Variants in MYH6 observed in about 807,000 individuals in gnomAD.
MYH6 encodes the protein myosin heavy chain 6.
Under a neutral mutation model 223.2 loss-of-function variants are expected in MYH6, and 126 were observed. That is an observed-to-expected ratio of 0.56 (90% confidence interval 0.49 to 0.65). MYH6 has a LOEUF of 0.65. Among genes scored for constraint, MYH6 ranks in the 30% least tolerant of loss-of-function variants. The probability of loss-of-function intolerance (pLI) is 0.00; values close to 1 mark genes in which losing one functional copy is unlikely to be tolerated. For synonymous variants in MYH6, 978 were observed against 1,010.2 expected, an observed-to-expected ratio of 0.97 and a Z score of 0.61; for missense variants, 2,040 against 2,536.4, an observed-to-expected ratio of 0.80 and a Z score of 4.20.
Position 23,394,114 on chromosome 14 carries a change from A to G in MYH6, c.2639T>C (p.Val880Ala). ...ARRKELEEKM[V>A]SLLQEKNDLQ... ...GTCATTCTTCTCCTGCAGCAGGGAC[A>G]CCATCTTCTCCTCCAGCTCCTTGCG... The change falls in exon 21 of 39, where the codon GTG becomes GCG. Residue 880 changes from valine (V) to alanine (A), a missense_variant. Val to Ala is a moderately conservative substitution (Grantham distance 64). Coordinates refer to ENST00000405093, the MANE Select transcript of MYH6 (RefSeq NM_002471.4). 1 of 1,614,110 alleles carries G rather than the reference A, an allele frequency of 6.2e-7. No individual in the cohort carries two copies. Among genetic ancestry groups the G allele is most frequent in the African/African-American group, 1.3e-5 (1 of 75,016 alleles).
In MYH6 at chr14:23,397,218, G is replaced by A. The variant is rs1351249262; in HGVS notation, c.2002C>T (p.His668Tyr). 8 of 1,614,230 alleles carry A rather than the reference G, an allele frequency of 5.0e-6. No homozygotes were observed. Among genetic ancestry groups the A allele is most frequent in the Non-Finnish European group, 6.8e-6 (8 of 1,180,046 alleles). Reference protein sequence around the residue: ...NKLMTNLRTTHPHFVRCIIPN... With the variant: ...NKLMTNLRTTYPHFVRCIIPN... Reference sequence around the variant, plus strand: ...ATGATGCAACGCACAAAGTGAGGATGGGTGGTCCTCAGGTTGGTCATTAGC... The same window carrying A: ...ATGATGCAACGCACAAAGTGAGGATAGGTGGTCCTCAGGTTGGTCATTAGC... Residue 668 changes from histidine (H) to tyrosine (Y), a missense_variant, in exon 17 of 39, where the codon CAT (histidine) becomes TAT (tyrosine). His to Tyr is a moderately conservative substitution (Grantham distance 83). Coordinates refer to ENST00000405093, the MANE Select transcript of MYH6 (RefSeq NM_002471.4).
intron 10 of MYH6, 54 bp downstream of exon 10, chr14:23,403,294 C>G (rs960516922): frequency 6.9e-7 from 1 of 1,446,056 alleles, no homozygotes; most frequent in Non-Finnish European, 9.7e-7. Context: ...ATGCAGGAGT[C>G]GTTGGGGTGT....
chr14:23,406,522 T>C (rs1891793802), intron 3 of MYH6, among the ~76,000 whole-genome samples: 3 of 152,166 alleles, frequency 2.0e-5, no homozygotes, highest in Non-Finnish European at 4.4e-5. Context: ...GGGGTGATTC[T>C]CTTGGCTGGT....
At chr14:23,404,263 A>G in intron 8 of MYH6, 33 bp downstream of exon 8, 2 of 1,609,938 alleles carry the variant, frequency 1.2e-6, no homozygotes, top group Non-Finnish European at 1.7e-6. Flanking sequence ...TCAAGGCTGG[A>G]TGAGGCCACT....
rs1890876996 is a variant in MYH6, at chr14:23,382,034, G to A, written c.*6C>T. On this transcript the variant is annotated 3_prime_UTR_variant, in exon 39 of 39. Coordinates refer to ENST00000405093, the MANE Select transcript of MYH6 (RefSeq NM_002471.4). ...GGTTGGCAAGAGTGAGGTTCCCGAG[G>A]CAGTGTCACTCCTCATCGTGCATTT... The A allele has an allele frequency of 1.2e-6, 2 of 1,614,062 alleles. No homozygotes were observed. The highest frequency in any genetic ancestry group is 2.7e-5 in the African/African-American group (2 of 74,934).
In MYH6 at chr14:23,395,716, G is replaced by A. The variant is rs56397059; in HGVS notation, c.2429+568C>T. Among the ~76,000 whole-genome samples the A allele has an allele frequency of 9.9e-3, 1,507 of 152,226 alleles. 5 individuals carry two copies. The highest frequency in any genetic ancestry group is 0.027 in the Middle Eastern group (8 of 294). On this transcript the variant is annotated intron_variant, in intron 20 of 38. Transcript: ENST00000405093. ...TAATTTTTTGTATTTTTTTAGTAGA[G>A]ATGGGGTTTCACCATGTTAGCCAGG...
chr14:23,388,869 C>T lies in MYH6; in HGVS notation c.4165G>A (p.Glu1389Lys), dbSNP rs397516768. 5.0e-6 allele frequency: 8 copies of T among 1,613,708 alleles called. No homozygotes were observed. Among genetic ancestry groups the T allele is most frequent in the Middle Eastern group, 1.7e-4 (1 of 5,740 alleles). Residue 1389 changes from glutamate (E) to lysine (K), a missense_variant, in exon 29 of 39, where the codon GAA becomes AAA. Physicochemically the swap from Glu to Lys is moderately conservative, Grantham distance 56 (BLOSUM62 1). Coordinates refer to ENST00000405093, the MANE Select transcript of MYH6 (RefSeq NM_002471.4). ...GTATCTGGAGCTCACTTGGCCTCTT[C>T]GAGCTCCTCAGTCCGCTGAATGGCG... The part of the protein sequence containing the change: ...TDAIQRTEEL[E>K]EAKKKLAQRL...
chr14:23,386,279 G>A (rs1891018070), intron 33 of MYH6, 36 bp downstream of exon 33: 1 of 1,614,002 alleles, frequency 6.2e-7, no homozygotes, highest in Non-Finnish European at 8.5e-7. Context: ...CCACATGGAG[G>A]CCAGTCCCCT....
rs368621328 is a variant in MYH6 at position 23,384,054 on chromosome 14, C to T, written c.5565+388G>A. Among the ~76,000 whole-genome samples, 21 of 152,198 alleles carry T rather than the reference C, an allele frequency of 1.4e-4. No individual in the cohort carries two copies. The East Asian group carries it at 3.3e-3, about 24-fold the overall frequency. ...ATTCTAGGGTCCTCTTTCTCTGTGG[C>T]CTTCTCTTTGTGTGCCAGAAGTTCT... On this transcript the variant is annotated intron_variant, in intron 36 of 38. Transcript: ENST00000405093.
intron 34 of MYH6, among the ~76,000 whole-genome samples, chr14:23,385,678 A>T (rs1209731772): frequency 2.0e-5 from 3 of 152,090 alleles, no homozygotes; most frequent in South Asian, 2.1e-4. Context: ...AAATAACAGG[A>T]TACATTCCAC....
At chr14:23,404,913 A>G (rs1466190665) in intron 6 of MYH6, 91 bp from the exon 7 acceptor site, 9 of 1,491,470 alleles carry the variant, frequency 6.0e-6, no homozygotes, top group East Asian at 2.3e-5. Context: ...CAGCCTGGCC[A>G]TCAGAGCCCA....
Position 23,404,743 on chromosome 14 carries a change from G to A in MYH6, c.610C>T (p.Arg204Cys), listed in dbSNP as rs756369181. 8.7e-6 allele frequency: 14 copies of A among 1,613,958 alleles called. No individual in the cohort carries two copies. The highest frequency in any genetic ancestry group is 6.7e-5 in the Admixed American group (4 of 60,002). ...GCATTGGCATTGTCCTTCTTGCCAC[G>A]GTCACCTATGGCTGCAATGCTGGCA... ...YFASIAAIGD[R>C]GKKDNANANK... The change falls in exon 7 of 39, where the codon CGT (arginine) becomes TGT (cysteine). Residue 204 changes from arginine to cysteine, a missense_variant. By Grantham distance (180) the Arg-to-Cys change is radical. Coordinates refer to ENST00000405093, the MANE Select transcript of MYH6 (RefSeq NM_002471.4).
At chr14:23,392,748 T>A (rs1169062097) in intron 24 of MYH6, 96 bp from the exon 25 acceptor site, 4 of 1,435,774 alleles carry the variant, frequency 2.8e-6, no homozygotes, top group Non-Finnish European at 3.9e-6. Context: ...AATCGGCACC[T>A]CCCCCTCCCC....
Position 23,383,339 on chromosome 14 carries a change from G to GGGGGCCCCCCCCCCC in MYH6, c.5566-20_5566-19insGGGGGGGGGGGCCCC. 1.8e-5 allele frequency: 2 copies of GGGGGCCCCCCCCCCC among 108,184 alleles called. No homozygotes were observed. Among genetic ancestry groups the GGGGGCCCCCCCCCCC allele is most frequent in the East Asian group, 2.3e-4 (1 of 4,408 alleles). The allele number at this position is 108,184 out of a possible 1,614,324, so 6.7% of individuals were successfully genotyped here. ...CCTCTGTCTGGGGGTGGGAGGGTGG[G>GGGGGCCCCCCCCCCC]AGAAGCTGGTTTGGAGGGGGAGCAA... On this transcript the variant is annotated intron_variant, in intron 36 of 38. Transcript: ENST00000405093.
chr14:23,382,174 G>T, intron 38 of MYH6, 111 bp from the exon 39 acceptor site: 1 of 1,212,102 alleles, frequency 8.3e-7, no homozygotes, highest in South Asian at 1.2e-5. Flanking sequence ...GGAGGGAGAG[G>T]CAGGGCCCCA....
intron 36 of MYH6, 42 bp downstream of exon 36, chr14:23,384,400 G>T: frequency 6.2e-7 from 1 of 1,604,678 alleles, no homozygotes; most frequent in Non-Finnish European, 8.5e-7. Context: ...GGCCAGAGAA[G>T]AAACTTCCAC....
intron 29 of MYH6, 48 bp from the exon 30 acceptor site, chr14:23,388,386 A>C: frequency 6.2e-7 from 1 of 1,608,228 alleles, no homozygotes; most frequent in Non-Finnish European, 8.5e-7. Flanking sequence ...ACTGGGCAAC[A>C]CTGGAGCCTT....
At position 23,404,809 on chromosome 14, in the gene MYH6, C is replaced by T. The variant is rs763305936; in HGVS notation, c.544G>A (p.Ala182Thr). 2 of 1,614,130 alleles carry T rather than the reference C, an allele frequency of 1.2e-6. No individual in the cohort carries two copies. Among genetic ancestry groups the T allele is most frequent in the Non-Finnish European group, 1.7e-6 (2 of 1,179,988 alleles). Residue 182 changes from alanine to threonine, a missense_variant, in exon 7 of 39, where the codon GCG (alanine) becomes ACG (threonine). Transcript: ENST00000405093. ...QSILITGESG[A>T]GKTVNTKRVI... ...CGCTTGGTGTTCACAGTCTTCCCCG[C>T]CCCGGATTCTCCCCTGGGGGCCACA...
chr14:23,384,252 G>C (rs1175867880), intron 36 of MYH6, among the ~76,000 whole-genome samples, 190 bp downstream of exon 36: 2 of 151,896 alleles, frequency 1.3e-5, no homozygotes, highest in African/African-American at 4.8e-5. Flanking sequence ...TTTTCAGGAA[G>C]TAGAAGTAGA....
Sources: allele counts gnomAD v4.1 joint callset (sites outside exome capture counted in the v4.1 genomes callset), GRCh38; gene constraint gnomAD v4.1.1; transcripts MANE v1.5; gene names NCBI Gene and HGNC (gene_info 2026-07-23, HGNC 2026-07-21).